RELN: variants seen among roughly 807,000 people sequenced by gnomAD.
The protein encoded by RELN is reelin.
RELN carries 108 observed loss-of-function variants against 427.6 expected under a neutral mutation model. That is an observed-to-expected ratio of 0.25 (90% CI 0.22 to 0.30). The LOEUF is 0.30. Among genes scored for constraint, RELN ranks in the 10% least tolerant of loss-of-function variants. RELN has a pLI of 1.00. For synonymous variants in RELN, 1,524 were observed against 1,513.4 expected (o/e 1.01, Z -0.16); for missense variants, 3,715 against 4,302.8 (o/e 0.86, Z 3.82).
chr7:103,867,015 G>T (rs1271976849), intron 2 of RELN, among the ~76,000 whole-genome samples: 2 of 152,080 alleles, frequency 1.3e-5, no homozygotes, highest in South Asian at 4.1e-4. Flanking sequence ...AAATGTAGCT[G>T]TACTGTTTAA....
intron 1 of RELN, among the ~76,000 whole-genome samples, chr7:103,960,266 C>T (rs570445101): frequency 6.6e-6 from 1 of 152,296 alleles, no homozygotes; most frequent in East Asian, 1.9e-4. Flanking sequence ...ACTGTCCATC[C>T]TTGCTGGGAC....
chr7:103,477,518 CCATT>C (rs1363569378), intron 64 of RELN, among the ~76,000 whole-genome samples: 1 of 152,178 alleles, frequency 6.6e-6, no homozygotes, highest in Non-Finnish European at 1.5e-5. Flanking sequence ...CAGGAAGCTG[CCATT>C]CAAACTATCA....
At chr7:103,576,943 CGT>C (rs1831017227) in intron 28 of RELN, among the ~76,000 whole-genome samples, 3 of 152,084 alleles carry the variant, frequency 2.0e-5, no homozygotes, top group African/African-American at 7.2e-5. Flanking sequence ...TATGGAAACA[CGT>C]GCACACACGC....
chr7:103,597,819 T>C (rs1831573135), intron 24 of RELN, among the ~76,000 whole-genome samples: 1 of 152,162 alleles, frequency 6.6e-6, no homozygotes, highest in African/African-American at 2.4e-5. Context: ...TGTGGTGAGG[T>C]GTCAGACAGA....
intron 2 of RELN, among the ~76,000 whole-genome samples, chr7:103,894,562 G>A (rs965900010): frequency 2.0e-5 from 3 of 151,960 alleles, no homozygotes; most frequent in Admixed American, 6.6e-5. Context: ...AAATACGTTC[G>A]AAGAATGACA....
intron 41 of RELN, 83 bp downstream of exon 41, chr7:103,550,984 T>C (rs1447660002): frequency 1.7e-6 from 2 of 1,145,542 alleles, no homozygotes; most frequent in Non-Finnish European, 2.5e-6. Flanking sequence ...AATTTCCCCA[T>C]GATAAAGTGG....
chr7:103,503,119 C>G lies in RELN; in HGVS notation c.8386G>C (p.Ala2796Pro). 1 of 1,614,166 alleles carries G rather than the reference C, an allele frequency of 6.2e-7. No homozygotes were observed. The highest frequency in any genetic ancestry group is 8.5e-7 in the Non-Finnish European group (1 of 1,180,026). ...ACACTTCCAGAGCATTTTGGGTCAG[C>G]AGGCAAGCACTGAGGGACCAGATAA... is the stretch of plus-strand genomic sequence containing the variant. The part of the protein sequence containing the change: ...WNYLVPQCLP[A>P]DPKCSGSVSQ... The change falls in exon 52 of 65, where the codon GCT becomes CCT. Residue 2796 changes from alanine to proline, a missense_variant. Ala to Pro is a conservative substitution (Grantham distance 27). Coordinates refer to ENST00000428762, the MANE Select transcript of RELN (RefSeq NM_005045.4).
At chr7:103,654,552 G>A (rs1448765085) in intron 12 of RELN, among the ~76,000 whole-genome samples, 1 of 151,966 alleles carries the variant, frequency 6.6e-6, no homozygotes. Context: ...TTAATTTGAG[G>A]TTTTTATGAC....
intron 28 of RELN, among the ~76,000 whole-genome samples, chr7:103,581,524 C>G (rs1831130024): frequency 6.6e-6 from 1 of 152,012 alleles, no homozygotes; most frequent in African/African-American, 2.4e-5. Context: ...TGGGAGGACA[C>G]TGAATGCATT....
intron 40 of RELN, among the ~76,000 whole-genome samples, chr7:103,552,118 C>T (rs1241478258): frequency 6.6e-6 from 1 of 152,212 alleles, no homozygotes; most frequent in African/African-American, 2.4e-5. Flanking sequence ...TTCTCCTCCC[C>T]ACCCTGGTAT....
chr7:103,606,567 C>A (rs1831825156), intron 22 of RELN, among the ~76,000 whole-genome samples: 1 of 152,142 alleles, frequency 6.6e-6, no homozygotes, highest in Non-Finnish European at 1.5e-5. Flanking sequence ...GTACGTTGAC[C>A]AAGTGACAAT....
intron 4 of RELN, among the ~76,000 whole-genome samples, chr7:103,770,766 T>A (rs1791547810): frequency 2.0e-5 from 3 of 152,006 alleles, no homozygotes; most frequent in Non-Finnish European, 4.4e-5. Context: ...TGCCCAGGAT[T>A]TATTTCTCAT....
intron 11 of RELN, among the ~76,000 whole-genome samples, chr7:103,669,491 G>C (rs149898455): frequency 6.6e-6 from 1 of 152,262 alleles, no homozygotes; most frequent in East Asian, 1.9e-4. Context: ...ACTTCAGGTA[G>C]AGTCTTTACT....
intron 46 of RELN, among the ~76,000 whole-genome samples, chr7:103,529,046 G>C (rs1181264194): frequency 1.3e-5 from 2 of 151,608 alleles, no homozygotes; most frequent in African/African-American, 2.4e-5. Flanking sequence ...TGAGGCAGGA[G>C]AATCGCTTGA....
chr7:103,958,632 A>C (rs1301868632), intron 1 of RELN, among the ~76,000 whole-genome samples: 1 of 152,138 alleles, frequency 6.6e-6, no homozygotes, highest in Non-Finnish European at 1.5e-5. Flanking sequence ...CAGATCTTAC[A>C]TTTGAACAAG....
At position 103,607,043 on chromosome 7, in the gene RELN, G is replaced by T. The variant is rs1276943531; in HGVS notation, c.3009-2560C>A. On this transcript the variant is annotated intron_variant, in intron 22 of 64. Transcript: ENST00000428762. Reference sequence around the variant, plus strand: ...TTTTATGGCTGCATAGTATTCCATGGTATATATGTACCATATTTTCTTAAT... The same window carrying T: ...TTTTATGGCTGCATAGTATTCCATGTTATATATGTACCATATTTTCTTAAT... Among the ~76,000 whole-genome samples, 4 of 138,676 alleles carry T rather than the reference G, an allele frequency of 2.9e-5. No homozygotes were observed. The East Asian group carries it at 8.6e-4, about 30-fold the overall frequency. 91.0% of individuals were successfully genotyped at this position (138,676 alleles called of 152,430 possible). A position where few individuals can be genotyped will look rare whatever the true frequency, so the allele number is the denominator to read the frequency against.
At chr7:103,924,525 C>A (rs914336879) in intron 1 of RELN, among the ~76,000 whole-genome samples, 1 of 152,106 alleles carries the variant, frequency 6.6e-6, no homozygotes, top group Non-Finnish European at 1.5e-5. Flanking sequence ...TGAGCAAGAT[C>A]CAGGAATTCT....
Position 103,935,450 on chromosome 7 carries a change from G to T in RELN, c.227-18265C>A, listed in dbSNP as rs115920255. Among the ~76,000 whole-genome samples, 995 of 151,898 alleles carry T rather than the reference G, an allele frequency of 6.6e-3. 14 individuals carry two copies. The highest frequency in any genetic ancestry group is 0.023 in the African/African-American group (957 of 41,400). ...TCATTTTTTTTTTCCTGCATAACTG[G>T]AAATTCCTTCTTGTCTTTTATTGGC... On this transcript the variant is annotated intron_variant, in intron 1 of 64. Transcript: ENST00000428762.
chr7:103,841,327 G>A (rs1036329447), intron 2 of RELN, among the ~76,000 whole-genome samples: 8 of 152,100 alleles, frequency 5.3e-5, no homozygotes, highest in African/African-American at 1.7e-4. Context: ...AATAAAGTAT[G>A]GATGTTTTAA....
Sources: gnomAD v4.1 joint callset for allele counts (sites outside exome capture counted in the v4.1 genomes callset) on GRCh38, gnomAD v4.1.1 for gene constraint, MANE v1.5 for transcripts, NCBI Gene and HGNC (gene_info 2026-07-23, HGNC 2026-07-21) for gene names.